Variants in TAF3 observed in about 807,000 individuals in gnomAD.
TAF3 encodes the protein transcription initiation factor TFIID subunit 3.
TAF3 carries 7 observed loss-of-function variants against 80.6 expected under a neutral mutation model. The ratio of observed to expected loss-of-function variants is 0.09; its 90% CI spans 0.05 to 0.16. The LOEUF is 0.16. TAF3 is among the 10% of genes least tolerant of loss of function. TAF3 has a pLI of 1.00. For missense variants in TAF3, 921 were observed against 1,140.2 expected (o/e 0.81, Z 2.77); for synonymous variants, 444 against 446.1 (o/e 1.00, Z 0.06).
At position 8,014,753 on chromosome 10, in the gene TAF3, G is replaced by A. The variant is rs774505614; in HGVS notation, c.*2G>A. 10 of 1,581,808 alleles carry A rather than the reference G, an allele frequency of 6.3e-6. No individual in the cohort carries two copies. The highest frequency in any genetic ancestry group is 2.7e-5 in the African/African-American group (2 of 73,894). On this transcript the variant is annotated 3_prime_UTR_variant, in exon 7 of 7. Coordinates refer to ENST00000344293, the MANE Select transcript of TAF3 (RefSeq NM_031923.4). ...AAGAGGAAGCATCGAGCCCACTGAC[G>A]ACTCCCGAGGGGCTGGACCAAGCGG...
intron 4 of TAF3, among the ~76,000 whole-genome samples, chr10:8,000,834 G>A (rs985397196): frequency 1.3e-5 from 2 of 152,104 alleles, no homozygotes; most frequent in Admixed American, 6.5e-5. Context: ...GCAATTGCTG[G>A]ACATTTTAGT....
intron 1 of TAF3, among the ~76,000 whole-genome samples, chr10:7,823,634 CTT>C (rs71515490): frequency 1.5e-5 from 2 of 135,906 alleles, no homozygotes. Context: ...GATGCCATCT[CTT>C]TTTTTTTTTT....
intron 2 of TAF3, among the ~76,000 whole-genome samples, chr10:7,843,566 G>A (rs563200359): frequency 7.4e-4 from 112 of 150,582 alleles, no homozygotes; most frequent in African/African-American, 2.6e-3. Context: ...GTAGTTATTC[G>A]TATCTAGTTT....
intron 2 of TAF3, among the ~76,000 whole-genome samples, chr10:7,924,246 C>T (rs1275186157): frequency 1.3e-5 from 2 of 152,066 alleles, no homozygotes; most frequent in African/African-American, 4.8e-5. Context: ...TAGAGTACAC[C>T]GAGTTTGTTT....
chr10:7,871,504 T>A lies in TAF3; in HGVS notation c.409+46944T>A, dbSNP rs1205610080. ...TGTTGCCCAGGCTAGAGTGCAATGG[T>A]GTGATCTCTGCTCATTGCAATCTCC... On this transcript the variant is annotated intron_variant, in intron 2 of 6. Coordinates refer to ENST00000344293, the MANE Select transcript of TAF3 (RefSeq NM_031923.4). Among the ~76,000 whole-genome samples the A allele has an allele frequency of 2.1e-5, 3 of 142,694 alleles. No individual in the cohort carries two copies. The East Asian group carries it at 6.4e-4, about 30-fold the overall frequency. 93.6% of individuals were successfully genotyped at this position (142,694 alleles called of 152,430 possible).
intron 2 of TAF3, among the ~76,000 whole-genome samples, chr10:7,931,575 C>T (rs1837869616): frequency 6.6e-6 from 1 of 152,116 alleles, no homozygotes; most frequent in African/African-American, 2.4e-5. Context: ...AAACAGACCA[C>T]AGATTTTCAT....
chr10:7,960,583 T>C (rs1254823216), intron 2 of TAF3, among the ~76,000 whole-genome samples: 1 of 152,074 alleles, frequency 6.6e-6, no homozygotes, highest in Admixed American at 6.5e-5. Flanking sequence ...TGTGCAGAGG[T>C]ACAGGAGTGT....
intron 2 of TAF3, among the ~76,000 whole-genome samples, chr10:7,865,824 C>A (rs532691234): frequency 6.6e-6 from 1 of 152,350 alleles, no homozygotes; most frequent in East Asian, 1.9e-4. Context: ...GTCACCTCCC[C>A]TATCCATTTC....
chr10:7,884,015 C>T (rs1837385349), intron 2 of TAF3, among the ~76,000 whole-genome samples: 1 of 152,208 alleles, frequency 6.6e-6, no homozygotes, highest in Admixed American at 6.5e-5. Context: ...AGCCACCAGT[C>T]CCACTCCCAT....
chr10:7,928,560 T>C (rs950005509), intron 2 of TAF3, among the ~76,000 whole-genome samples: 4 of 152,250 alleles, frequency 2.6e-5, no homozygotes, highest in Non-Finnish European at 5.9e-5. Context: ...CAATAATAAT[T>C]ACTGTAATTC....
chr10:7,846,630 A>G (rs1280665717), intron 2 of TAF3, among the ~76,000 whole-genome samples: 1 of 152,206 alleles, frequency 6.6e-6, no homozygotes, highest in East Asian at 1.9e-4. Context: ...AAGGAGAAAA[A>G]TGATCATTTA....
At chr10:7,935,306 AAAAT>A (rs923546036) in intron 2 of TAF3, among the ~76,000 whole-genome samples, 64 of 149,878 alleles carry the variant, frequency 4.3e-4, no homozygotes, top group Non-Finnish European at 8.5e-4. Context: ...AAATAGAAGA[AAAAT>A]AAAGCGGCCA....
At chr10:7,981,134 A>AG (rs1831722015) in intron 4 of TAF3, among the ~76,000 whole-genome samples, 1 of 152,242 alleles carries the variant, frequency 6.6e-6, no homozygotes, top group Non-Finnish European at 1.5e-5. Flanking sequence ...TTAACAAAAA[A>AG]TACAAATTTG....
intron 2 of TAF3, among the ~76,000 whole-genome samples, chr10:7,849,947 C>T (rs1319261192): frequency 1.3e-5 from 2 of 152,152 alleles, no homozygotes; most frequent in African/African-American, 4.8e-5. Flanking sequence ...TCCCAAGGTA[C>T]TGGGATTACA....
intron 2 of TAF3, among the ~76,000 whole-genome samples, chr10:7,849,961 G>A (rs1458733051): frequency 2.0e-5 from 3 of 152,138 alleles, no homozygotes; most frequent in African/African-American, 4.8e-5. Context: ...GATTACAGGC[G>A]TGAGCCACCA....
At chr10:7,980,944 C>T (rs11817776) in intron 4 of TAF3, among the ~76,000 whole-genome samples, 4,283 of 152,228 alleles carry the variant, frequency 0.028, 221 homozygotes, top group African/African-American at 0.097. Context: ...CAGTGTTCAT[C>T]CTTTTCCTCA....
chr10:7,863,963 A>G (rs1454049333), intron 2 of TAF3, among the ~76,000 whole-genome samples: 1 of 151,988 alleles, frequency 6.6e-6, no homozygotes, highest in African/African-American at 2.4e-5. Flanking sequence ...ATTCATAGCA[A>G]AATTGAGCAG....
At chr10:7,861,304 C>T (rs912091676) in intron 2 of TAF3, among the ~76,000 whole-genome samples, 1 of 152,014 alleles carries the variant, frequency 6.6e-6, no homozygotes, top group South Asian at 2.1e-4. Flanking sequence ...GATGGGGTTT[C>T]ACTATCTTGG....
intron 2 of TAF3, among the ~76,000 whole-genome samples, chr10:7,900,681 T>A (rs934780010): frequency 6.6e-6 from 1 of 152,212 alleles, no homozygotes; most frequent in Non-Finnish European, 1.5e-5. Context: ...TTTATAAAAA[T>A]TTTTATTTCT....
Sources: gnomAD v4.1 joint callset for allele counts (sites outside exome capture counted in the v4.1 genomes callset) on GRCh38, gnomAD v4.1.1 for gene constraint, MANE v1.5 for transcripts, NCBI Gene and HGNC (gene_info 2026-07-23, HGNC 2026-07-21) for gene names.